Variants in CNBD1 observed in about 807,000 individuals in gnomAD.
CNBD1 encodes cyclic nucleotide binding domain containing 1.
A neutral mutation model predicts 54.4 loss-of-function variants in CNBD1; 71 were observed. The observed-to-expected ratio is 1.30, with a 90% CI of 1.08 to 1.59. The LOEUF (loss-of-function observed/expected upper bound fraction) is 1.59. Among genes scored for constraint, CNBD1 ranks in the 40% most tolerant of loss-of-function variants. The pLI is 0.00. For missense variants in CNBD1, 659 were observed against 518.0 expected (o/e 1.27, Z -2.64); for synonymous variants, 182 against 170.7 (o/e 1.07, Z -0.51).
chr8:87,139,260 C>T (rs1812323305), intron 4 of CNBD1, among the ~76,000 whole-genome samples: 1 of 152,174 alleles, frequency 6.6e-6, no homozygotes, highest in African/African-American at 2.4e-5. Flanking sequence ...GGTTTTATTA[C>T]TCTTATTACA....
In CNBD1 at chr8:87,375,958, T is replaced by C. The variant is rs142098180; in HGVS notation, c.1304-6662T>C. 2.6e-5 allele frequency among the ~76,000 whole-genome samples: 4 copies of C among 152,086 alleles called. No homozygotes were observed. The East Asian group carries it at 7.8e-4, about 30-fold the overall frequency. On this transcript the variant is annotated intron_variant, in intron 10 of 10. Transcript: ENST00000518476. ...AGATCTCTTGCAGGAAGAATTGTAC[T>C]TTCTGCGATAAAAATTTAATGGGCT...
chr8:87,113,472 T>C (rs1811705427), intron 4 of CNBD1, among the ~76,000 whole-genome samples: 2 of 152,210 alleles, frequency 1.3e-5, no homozygotes, highest in South Asian at 4.1e-4. Flanking sequence ...TTGTGAAGTC[T>C]CCAGTAGAGT....
chr8:87,035,984 C>T (rs1269299883), intron 4 of CNBD1, among the ~76,000 whole-genome samples: 2 of 152,200 alleles, frequency 1.3e-5, no homozygotes, highest in Non-Finnish European at 2.9e-5. Flanking sequence ...GACATATCTA[C>T]AGGCCAGAAC....
intron 8 of CNBD1, among the ~76,000 whole-genome samples, chr8:87,316,477 T>G (rs1247211597): frequency 6.6e-6 from 1 of 152,066 alleles, no homozygotes; most frequent in Admixed American, 6.6e-5. Context: ...TGATGCAACA[T>G]GTTTCAGGAC....
intron 10 of CNBD1, among the ~76,000 whole-genome samples, chr8:87,363,159 C>T (rs767699134): frequency 2.0e-5 from 3 of 152,078 alleles, no homozygotes; most frequent in Non-Finnish European, 4.4e-5. Flanking sequence ...CAGAGTTATC[C>T]ATGTCCCTGC....
chr8:87,352,739 G>A lies in CNBD1; in HGVS notation c.1153-897G>A, dbSNP rs186291673. Among the ~76,000 whole-genome samples the A allele has an allele frequency of 3.9e-3, 590 of 152,210 alleles. 8 individuals are homozygous for A. Among genetic ancestry groups the A allele is most frequent in the African/African-American group, 0.013 (555 of 41,554 alleles). On this transcript the variant is annotated intron_variant, in intron 9 of 10. Transcript: ENST00000518476. Reference sequence around the variant, plus strand: ...GAACAGGCAAAAATATATAATTACTGTGGTAGAAAAGTTAGAACTAATCAT... The same window carrying A: ...GAACAGGCAAAAATATATAATTACTATGGTAGAAAAGTTAGAACTAATCAT...
At chr8:87,205,884 C>A in intron 4 of CNBD1, 109 bp from the exon 5 acceptor site, 2 of 904,310 alleles carry the variant, frequency 2.2e-6, no homozygotes, top group Non-Finnish European at 1.5e-6. Context: ...TTTTAAAAAC[C>A]CTTAACTAAA....
chr8:87,073,626 G>A (rs775241719), intron 4 of CNBD1, among the ~76,000 whole-genome samples: 9 of 152,028 alleles, frequency 5.9e-5, no homozygotes, highest in East Asian at 1.9e-4. Flanking sequence ...TCTCATACCC[G>A]GATGTATCAC....
chr8:87,369,880 C>A (rs1563573271), intron 10 of CNBD1, among the ~76,000 whole-genome samples: 1 of 151,926 alleles, frequency 6.6e-6, no homozygotes, highest in African/African-American at 2.4e-5. Context: ...CTCCCCACTC[C>A]CCCGACCCCA....
chr8:87,340,271 G>A (rs2130918395), intron 8 of CNBD1, among the ~76,000 whole-genome samples: 1 of 152,280 alleles, frequency 6.6e-6, no homozygotes, highest in South Asian at 2.1e-4. Context: ...CCTAGTAGGT[G>A]ATAATTCATA....
chr8:87,378,119 T>C (rs1363695205), intron 10 of CNBD1, among the ~76,000 whole-genome samples: 1 of 144,212 alleles, frequency 6.9e-6, no homozygotes, highest in Non-Finnish European at 1.5e-5. Flanking sequence ...TTCACTCTGA[T>C]GGTAGTTTCT....
chr8:87,131,583 G>C (rs1812118921), intron 4 of CNBD1, among the ~76,000 whole-genome samples: 1 of 151,806 alleles, frequency 6.6e-6, no homozygotes, highest in South Asian at 2.1e-4. Context: ...TGCTGTAGTT[G>C]TATCTCATTA....
chr8:86,867,968 G>A (rs1029829803), intron 1 of CNBD1, among the ~76,000 whole-genome samples: 9 of 152,108 alleles, frequency 5.9e-5, no homozygotes, highest in Non-Finnish European at 1.2e-4. Context: ...TTAGAGGTTC[G>A]CACTTGATGT....
At chr8:87,406,052 A>G (rs1000750053) in intron 2 of CNBD1, among the ~76,000 whole-genome samples, 7 of 152,112 alleles carry the variant, frequency 4.6e-5, no homozygotes, top group African/African-American at 1.7e-4. Context: ...GTTCTTAAAT[A>G]TTTATCAACC....
At chr8:87,412,699 T>C (rs947243438) in intron 2 of CNBD1, among the ~76,000 whole-genome samples, 8 of 152,074 alleles carry the variant, frequency 5.3e-5, no homozygotes, top group African/African-American at 1.9e-4. Context: ...GTTTGAGGAC[T>C]CATCCAGGAA....
rs1332683263 is a variant in CNBD1, at chr8:87,323,508, G to C, written c.1043-28177G>C. ...AGCAGTGGTTTGTAGTTCTTGAAGA[G>C]GTCCTTCACATCCCTTGTAAGTTGG... On this transcript the variant is annotated intron_variant, in intron 8 of 10. Coordinates refer to ENST00000518476, the MANE Select transcript of CNBD1 (RefSeq NM_173538.3). Among the ~76,000 whole-genome samples, 2 of 121,210 alleles carry C rather than the reference G, an allele frequency of 1.7e-5. 1 individual carries two copies. Among genetic ancestry groups the C allele is most frequent in the African/African-American group, 6.2e-5 (2 of 32,476 alleles). The allele number at this position is 121,210 out of a possible 152,430, so 79.5% of individuals were successfully genotyped here. A position where few individuals can be genotyped will look rare whatever the true frequency, so the allele number is the denominator to read the frequency against.
chr8:87,191,263 G>A (rs984031424), intron 4 of CNBD1, among the ~76,000 whole-genome samples: 3 of 152,122 alleles, frequency 2.0e-5, no homozygotes, highest in African/African-American at 4.8e-5. Context: ...AAGGGCAGGA[G>A]AAGTGGAAGG....
intron 3 of CNBD1, among the ~76,000 whole-genome samples, chr8:86,933,864 A>G (rs1809499684): frequency 6.6e-6 from 1 of 152,164 alleles, no homozygotes; most frequent in Non-Finnish European, 1.5e-5. Flanking sequence ...CTATAGTGTA[A>G]CAATCCAATT....
intron 1 of CNBD1, among the ~76,000 whole-genome samples, chr8:86,885,689 G>A (rs1445934071): frequency 2.6e-5 from 4 of 152,176 alleles, no homozygotes; most frequent in Non-Finnish European, 5.9e-5. Flanking sequence ...GATCCATTAT[G>A]TTGCTCAACA....
Sources: allele counts gnomAD v4.1 joint callset (sites outside exome capture counted in the v4.1 genomes callset), GRCh38; gene constraint gnomAD v4.1.1; transcripts MANE v1.5; gene names NCBI Gene and HGNC (gene_info 2026-07-23, HGNC 2026-07-21).